Variants in GARRE1 observed in about 807,000 individuals in gnomAD.
GARRE1 encodes the protein granule associated Rac and RHOG effector protein 1.
Under a neutral mutation model 103.2 loss-of-function variants are expected in GARRE1, and 49 were observed. The ratio of observed to expected loss-of-function variants is 0.47; its 90% CI spans 0.38 to 0.60. The LOEUF is 0.60. GARRE1 is among the 20% of genes least tolerant of loss of function. GARRE1 has a pLI of 0.00. For missense variants in GARRE1, 1,199 were observed against 1,370.5 expected (o/e 0.87, Z 1.98); for synonymous variants, 505 against 532.8 (o/e 0.95, Z 0.72).
chr19:34,327,377 CTG>C (rs2074116358), intron 3 of GARRE1, 42 bp from the exon 4 acceptor site: 18 of 1,594,724 alleles, frequency 1.1e-5, no homozygotes, highest in Non-Finnish European at 1.5e-5. Flanking sequence ...GTTGCTAGAA[CTG>C]TACCACCCTC....
At chr19:34,341,003 G>A (rs1048898024) in intron 9 of GARRE1, among the ~76,000 whole-genome samples, 2 of 152,196 alleles carry the variant, frequency 1.3e-5, no homozygotes, top group East Asian at 3.8e-4. Context: ...TTGGGACAAC[G>A]TTGGCACATA....
chr19:34,323,117 G>GC (rs1409531998), intron 3 of GARRE1, among the ~76,000 whole-genome samples: 3 of 127,224 alleles, frequency 2.4e-5, no homozygotes, highest in Admixed American at 9.9e-5. Flanking sequence ...TGCAGGCTCC[G>GC]CCCCCCGGGG....
intron 7 of GARRE1, among the ~76,000 whole-genome samples, chr19:34,331,953 T>A (rs982636885): frequency 3.3e-5 from 5 of 150,036 alleles, no homozygotes; most frequent in Admixed American, 6.7e-5. Context: ...ATTGTGCCAC[T>A]GCACTCCAGC....
intron 7 of GARRE1, 27 bp from the exon 8 acceptor site, chr19:34,333,674 TTTG>T: frequency 3.5e-6 from 4 of 1,157,814 alleles, no homozygotes; most frequent in South Asian, 1.3e-5. Context: ...CTGGTTGTTA[TTTG>T]TTTTTTTTTT....
chr19:34,314,622 T>C (rs12973790), intron 2 of GARRE1, among the ~76,000 whole-genome samples: 16,987 of 152,224 alleles, frequency 0.11, 1,106 homozygotes, highest in East Asian at 0.2. Context: ...GTCTGAATTA[T>C]TAGCATTTGG....
At chr19:34,296,396 G>A in intron 1 of GARRE1, 1 of 1,509,796 alleles carries the variant, frequency 6.6e-7, no homozygotes, top group African/African-American at 1.4e-5. Context: ...GGCACAGCCT[G>A]AGTCCCTTGG....
chr19:34,306,462 A>G (rs1324652999), intron 2 of GARRE1, among the ~76,000 whole-genome samples: 1 of 152,170 alleles, frequency 6.6e-6, no homozygotes, highest in African/African-American at 2.4e-5. Context: ...TTGTCCAGGA[A>G]TGGTGGTTGC....
chr19:34,348,372 G>A, intron 11 of GARRE1: 1 of 219,918 alleles, frequency 4.5e-6, no homozygotes, highest in Non-Finnish European at 8.9e-6. Context: ...ATACTGAACT[G>A]AGTGTGGCTG....
chr19:34,341,195 C>T (rs1346349454), intron 9 of GARRE1, among the ~76,000 whole-genome samples: 1 of 152,102 alleles, frequency 6.6e-6, no homozygotes, highest in Non-Finnish European at 1.5e-5. Context: ...CACTGAATCA[C>T]ACTCCTCAGG....
At chr19:34,323,169 C>CTA (rs2074097547) in intron 3 of GARRE1, among the ~76,000 whole-genome samples, 1 of 150,862 alleles carries the variant, frequency 6.6e-6, no homozygotes, top group Admixed American at 6.6e-5. Flanking sequence ...GTAGCTGGGA[C>CTA]TACAGGTGCC....
At chr19:34,317,351 A>G (rs908686860) in intron 2 of GARRE1, among the ~76,000 whole-genome samples, 1 of 152,214 alleles carries the variant, frequency 6.6e-6, no homozygotes, top group Non-Finnish European at 1.5e-5. Flanking sequence ...TATTGAGAGA[A>G]TGAATGACTA....
intron 3 of GARRE1, among the ~76,000 whole-genome samples, chr19:34,321,223 AT>A (rs71165648): frequency 0.013 from 986 of 77,316 alleles, 4 homozygotes; most frequent in African/African-American, 0.03. Context: ...AGCCCGGCTA[AT>A]TTTTTTTTTT....
At chr19:34,262,502 G>T (rs75788816) in intron 1 of GARRE1, among the ~76,000 whole-genome samples, 1 of 151,426 alleles carries the variant, frequency 6.6e-6, no homozygotes, top group South Asian at 2.1e-4. Context: ...CACCATATTG[G>T]CTAGGCTGGT....
chr19:34,295,719 T>C (rs891093957), intron 1 of GARRE1, among the ~76,000 whole-genome samples: 4 of 152,024 alleles, frequency 2.6e-5, no homozygotes, highest in Non-Finnish European at 4.4e-5. Flanking sequence ...TTTGTAGAGA[T>C]GGGGTCTTGC....
intron 3 of GARRE1, among the ~76,000 whole-genome samples, chr19:34,323,515 A>T (rs1013929288): frequency 2.0e-5 from 3 of 152,138 alleles, no homozygotes; most frequent in African/African-American, 7.2e-5. Flanking sequence ...TTCATGCTAA[A>T]GACTTCCTAG....
intron 1 of GARRE1, among the ~76,000 whole-genome samples, chr19:34,287,390 C>T (rs1247053010): frequency 1.3e-5 from 2 of 152,250 alleles, no homozygotes; most frequent in East Asian, 3.9e-4. Context: ...GTCCTGGACT[C>T]AAGTGACCCT....
intron 2 of GARRE1, among the ~76,000 whole-genome samples, chr19:34,304,398 C>T (rs555181155): frequency 3.0e-5 from 4 of 135,194 alleles, no homozygotes; most frequent in Non-Finnish European, 4.6e-5. Flanking sequence ...TTTTTTGAGA[C>T]GGAGTCTTGC....
intron 7 of GARRE1, among the ~76,000 whole-genome samples, chr19:34,331,108 C>T (rs1382850397): frequency 1.3e-5 from 2 of 151,740 alleles, no homozygotes; most frequent in Non-Finnish European, 2.9e-5. Context: ...ACTGTGTTGG[C>T]CAGGCTGGTC....
intron 8 of GARRE1, among the ~76,000 whole-genome samples, chr19:34,338,389 T>G (rs1361760718): frequency 1.3e-5 from 2 of 152,082 alleles, no homozygotes; most frequent in Admixed American, 6.6e-5. Flanking sequence ...ATTAAAACAT[T>G]AGCCAGGTGC....
Sources: allele counts gnomAD v4.1 joint callset (sites outside exome capture counted in the v4.1 genomes callset), GRCh38; gene constraint gnomAD v4.1.1; transcripts MANE v1.5; gene names NCBI Gene and HGNC (gene_info 2026-07-23, HGNC 2026-07-21).